The following PCDH15 variants were observed in gnomAD, a reference collection of about 807,000 sequenced individuals.
The protein encoded by PCDH15 is protocadherin related 15, also known as protocadherin-15.
PCDH15 carries 129 observed loss-of-function variants against 178.5 expected under a neutral mutation model. The observed-to-expected ratio is 0.72, with a 90% CI of 0.63 to 0.84. The LOEUF (loss-of-function observed/expected upper bound fraction) is 0.84, where lower values mean the gene tolerates loss of function less well. Among genes scored for constraint, PCDH15 ranks in the 40% least tolerant of loss-of-function variants. The pLI, the probability that PCDH15 is intolerant of heterozygous loss-of-function variation, is 0.00. For synonymous variants in PCDH15, 800 were observed against 732.0 expected, an observed-to-expected ratio of 1.09 and a Z score of -1.50; for missense variants, 2,230 against 2,099.9, an observed-to-expected ratio of 1.06 and a Z score of -1.21.
intron 3 of PCDH15, among the ~76,000 whole-genome samples, chr10:54,499,455 A>G (rs1428537567): frequency 6.6e-6 from 1 of 152,190 alleles, no homozygotes; most frequent in African/African-American, 2.4e-5. Context: ...AAAAAAAGCA[A>G]AATTATACCA....
rs1385593988 is a variant in PCDH15 at position 55,269,427 on chromosome 10, G to A, written c.-156+50172C>T. ...CTGCTAGAATGGATAAAAGATTTTAGTAAGGTTTCAGGATACAAAAGCAAC... is the reference window on the plus strand; with the variant it reads ...CTGCTAGAATGGATAAAAGATTTTAATAAGGTTTCAGGATACAAAAGCAAC... On this transcript the variant is annotated intron_variant, in intron 1 of 5. Coordinates refer to the PCDH15 transcript ENST00000458638. 2.6e-5 allele frequency among the ~76,000 whole-genome samples: 4 copies of A among 152,212 alleles called. No homozygotes were observed. In the East Asian group the frequency reaches 5.8e-4, roughly 22 times the overall value.
intron 2 of PCDH15, among the ~76,000 whole-genome samples, chr10:55,325,335 A>G: frequency 6.6e-6 from 1 of 152,152 alleles, no homozygotes; most frequent in Non-Finnish European, 1.5e-5. Flanking sequence ...ACAAGGCTAC[A>G]GTGACCAAAT....
intron 3 of PCDH15, among the ~76,000 whole-genome samples, chr10:54,427,046 A>G (rs1431237921): frequency 6.6e-6 from 1 of 152,060 alleles, no homozygotes; most frequent in Non-Finnish European, 1.5e-5. Flanking sequence ...TAATAACCAT[A>G]TCAAGATAAG....
intron 16 of PCDH15, among the ~76,000 whole-genome samples, chr10:54,088,059 C>A (rs2094543054): frequency 6.6e-6 from 1 of 152,188 alleles, no homozygotes; most frequent in African/African-American, 2.4e-5. Context: ...GTATAGCCTG[C>A]AGAACCGTGA....
chr10:55,296,127 G>C (rs766386639), intron 1 of PCDH15, among the ~76,000 whole-genome samples: 5 of 152,158 alleles, frequency 3.3e-5, no homozygotes, highest in Non-Finnish European at 7.3e-5. Flanking sequence ...GCAAGGTGTG[G>C]ATTATGGGGT....
intron 1 of PCDH15, among the ~76,000 whole-genome samples, chr10:54,687,244 G>T (rs941870636): frequency 6.6e-6 from 1 of 151,976 alleles, no homozygotes; most frequent in Non-Finnish European, 1.5e-5. Flanking sequence ...AAATCACTAC[G>T]GAGGTTTCTA....
chr10:54,735,172 A>C (rs982172742), intron 1 of PCDH15, among the ~76,000 whole-genome samples: 1 of 152,066 alleles, frequency 6.6e-6, no homozygotes, highest in African/African-American at 2.4e-5. Context: ...ATGCATAGAA[A>C]AATCTACAAG....
At chr10:54,856,988 T>C (rs1038142198) in intron 3 of PCDH15, among the ~76,000 whole-genome samples, 2 of 152,174 alleles carry the variant, frequency 1.3e-5, no homozygotes. Context: ...ATTTCCTTCT[T>C]ATCCTTAAAT....
At chr10:55,340,247 C>G (rs1172439686) in intron 2 of PCDH15, among the ~76,000 whole-genome samples, 1 of 150,322 alleles carries the variant, frequency 6.7e-6, no homozygotes, top group South Asian at 2.1e-4. Flanking sequence ...GTAATATATA[C>G]ATATATTACA....
intron 2 of PCDH15, among the ~76,000 whole-genome samples, chr10:55,366,791 G>A (rs530737708): frequency 4.6e-5 from 7 of 152,070 alleles, no homozygotes; most frequent in Admixed American, 1.3e-4. Context: ...AATTAGTTTC[G>A]ATTTTACCTG....
intron 1 of PCDH15, among the ~76,000 whole-genome samples, chr10:54,746,650 G>A (rs1337406743): frequency 6.6e-6 from 1 of 152,086 alleles, no homozygotes; most frequent in Non-Finnish European, 1.5e-5. Flanking sequence ...TGACTCATGT[G>A]CAAATATAAT....
chr10:53,989,287 GAAAC>G (rs1259038979), intron 21 of PCDH15, among the ~76,000 whole-genome samples: 4 of 152,064 alleles, frequency 2.6e-5, no homozygotes, highest in Admixed American at 6.5e-5. Context: ...TTTAAAGGTT[GAAAC>G]AAACAAATTT....
At chr10:55,172,085 G>A (rs72801676) in intron 1 of PCDH15, among the ~76,000 whole-genome samples, 17,621 of 151,778 alleles carry the variant, frequency 0.12, 1,445 homozygotes, top group Non-Finnish European at 0.17. Context: ...TGTAAATCTA[G>A]AGATTTTTTC....
At chr10:55,499,757 A>G (rs985337132) in intron 2 of PCDH15, among the ~76,000 whole-genome samples, 2 of 151,764 alleles carry the variant, frequency 1.3e-5, no homozygotes, top group Non-Finnish European at 2.9e-5. Context: ...AAACTCTTCT[A>G]AGTTTAACTT....
chr10:54,355,681 A>C (rs555301707), intron 5 of PCDH15, among the ~76,000 whole-genome samples: 1 of 152,190 alleles, frequency 6.6e-6, no homozygotes, highest in East Asian at 1.9e-4. Context: ...TTATTTTACA[A>C]AAGGAGACAT....
At chr10:53,849,382 A>G (rs1380830517) in intron 28 of PCDH15, among the ~76,000 whole-genome samples, 1 of 152,178 alleles carries the variant, frequency 6.6e-6, no homozygotes, top group Non-Finnish European at 1.5e-5. Flanking sequence ...ATAATAGACT[A>G]TAAGCATTCA....
At chr10:54,570,180 G>A (rs2089616697) in intron 2 of PCDH15, among the ~76,000 whole-genome samples, 1 of 152,088 alleles carries the variant, frequency 6.6e-6, no homozygotes, top group Admixed American at 6.6e-5. Flanking sequence ...GTAGTGCCAT[G>A]TGGAACCATA....
intron 1 of PCDH15, among the ~76,000 whole-genome samples, chr10:54,700,293 C>T (rs370283872): frequency 2.0e-4 from 30 of 152,178 alleles, no homozygotes; most frequent in Middle Eastern, 3.4e-3. Context: ...GAACTCTGGA[C>T]GCTAAAAAAT....
At chr10:54,709,199 A>G (rs1408440598) in intron 1 of PCDH15, among the ~76,000 whole-genome samples, 1 of 152,130 alleles carries the variant, frequency 6.6e-6, no homozygotes, top group Non-Finnish European at 1.5e-5. Flanking sequence ...AAGCACTGAA[A>G]CAAGATCTTT....
Sources: allele counts gnomAD v4.1 joint callset (sites outside exome capture counted in the v4.1 genomes callset), GRCh38; gene constraint gnomAD v4.1.1; transcripts MANE v1.5; gene names NCBI Gene and HGNC (gene_info 2026-07-23, HGNC 2026-07-21).